The following DLGAP1 variants were observed in gnomAD, a reference collection of about 807,000 sequenced individuals.
DLGAP1 encodes DLG associated protein 1, also known as disks large-associated protein 1.
Under a neutral mutation model 90.8 loss-of-function variants are expected in DLGAP1, and 11 were observed. That is an observed-to-expected ratio of 0.12 (90% confidence interval 0.08 to 0.20). DLGAP1 has a LOEUF of 0.20. Ranked by LOEUF, DLGAP1 falls within the 10% of genes least tolerant of loss-of-function variation. DLGAP1 has a pLI of 1.00. For missense variants in DLGAP1, 1,050 were observed against 1,333.8 expected, an observed-to-expected ratio of 0.79 and a Z score of 3.31; for synonymous variants, 558 against 540.7, an observed-to-expected ratio of 1.03 and a Z score of -0.44.
intron 3 of DLGAP1, among the ~76,000 whole-genome samples, chr18:3,880,944 G>GAAAAAAA (rs1173817359): frequency 1.2e-3 from 47 of 38,104 alleles, no homozygotes; most frequent in Middle Eastern, 0.021. Flanking sequence ...CTCCATCTCA[G>GAAAAAAA]AAAAAAAAAA....
At chr18:3,910,156 G>A (rs1055177882) in intron 3 of DLGAP1, among the ~76,000 whole-genome samples, 1 of 150,094 alleles carries the variant, frequency 6.7e-6, no homozygotes, top group African/African-American at 2.5e-5. Context: ...TAATATTAAG[G>A]AATAATGAAA....
chr18:4,303,727 A>G (rs1426522538), intron 1 of DLGAP1, among the ~76,000 whole-genome samples: 1 of 152,236 alleles, frequency 6.6e-6, no homozygotes, highest in African/African-American at 2.4e-5. Flanking sequence ...ATGAACTTCA[A>G]TTATGCAAAG....
rs1008331010 is a variant in DLGAP1, at chr18:3,498,134, T to C, written c.*1051A>G. 4 of 152,242 alleles carry C rather than the reference T, an allele frequency of 2.6e-5. No individual in the cohort carries two copies. Among genetic ancestry groups the C allele is most frequent in the African/African-American group, 9.6e-5 (4 of 41,460 alleles). 9.4% of individuals were successfully genotyped at this position (152,242 alleles called of 1,614,324 possible). A position where few individuals can be genotyped will look rare whatever the true frequency, so the allele number is the denominator to read the frequency against. ...AGGGATGGTAGGAAAACCCAAACTC[T>C]TCTCCAAAAACAGCCTTGCTGCCAT... On this transcript the variant is annotated 3_prime_UTR_variant, in exon 13 of 13. Coordinates refer to ENST00000315677, the MANE Select transcript of DLGAP1 (RefSeq NM_004746.4).
At chr18:3,587,109 C>T (rs1004663408) in intron 7 of DLGAP1, among the ~76,000 whole-genome samples, 4 of 152,224 alleles carry the variant, frequency 2.6e-5, no homozygotes, top group African/African-American at 9.7e-5. Flanking sequence ...CGCCCAGGTG[C>T]AATGGTGCAA....
intron 1 of DLGAP1, among the ~76,000 whole-genome samples, chr18:4,432,589 A>AGTGTGTGTGTGTGTGT (rs545618675): frequency 9.0e-6 from 1 of 111,394 alleles, no homozygotes; most frequent in African/African-American, 3.1e-5. Flanking sequence ...CACCTCACAT[A>AGTGTGTGTGTGTGTGT]GTGTGTGTGT....
intron 4 of DLGAP1, among the ~76,000 whole-genome samples, chr18:3,845,912 A>G (rs1352632592): frequency 2.6e-5 from 4 of 152,220 alleles, no homozygotes; most frequent in African/African-American, 4.8e-5. Flanking sequence ...ATTAAGTAAT[A>G]CTTCTCAACA....
chr18:3,862,292 T>C (rs1021895989), intron 4 of DLGAP1, among the ~76,000 whole-genome samples: 8 of 152,354 alleles, frequency 5.3e-5, no homozygotes, highest in Non-Finnish European at 5.9e-5. Context: ...CATTGCCAAC[T>C]GCCATATCCA....
intron 1 of DLGAP1, chr18:4,248,494 T>C (rs1431812023): frequency 3.3e-5 from 5 of 152,216 alleles, no homozygotes; most frequent in Non-Finnish European, 5.9e-5. Context: ...GTTTTAACAT[T>C]TTCTTATAGA....
intron 7 of DLGAP1, among the ~76,000 whole-genome samples, chr18:3,626,297 G>GAAA (rs61225561): frequency 7.8e-6 from 1 of 127,784 alleles, no homozygotes; most frequent in Non-Finnish European, 1.7e-5. Context: ...TCTCAAAAAA[G>GAAA]AAAAAAAAAA....
At chr18:4,218,007 T>C (rs2077993166) in intron 1 of DLGAP1, among the ~76,000 whole-genome samples, 1 of 149,820 alleles carries the variant, frequency 6.7e-6, no homozygotes, top group Non-Finnish European at 1.5e-5. Context: ...ATGTACGTTT[T>C]TCCCTCTTAT....
chr18:4,445,307 T>TA (rs879825235), intron 1 of DLGAP1, among the ~76,000 whole-genome samples: 279 of 151,772 alleles, frequency 1.8e-3, no homozygotes, highest in Non-Finnish European at 2.9e-3. Context: ...TCTTTTTTTT[T>TA]TTATTATACT....
intron 7 of DLGAP1, among the ~76,000 whole-genome samples, chr18:3,628,558 G>C (rs1012209734): frequency 6.6e-6 from 1 of 152,062 alleles, no homozygotes; most frequent in African/African-American, 2.4e-5. Context: ...GAATGCCTCC[G>C]AGCCTGCAGT....
At chr18:3,765,159 G>T (rs151175635) in intron 5 of DLGAP1, among the ~76,000 whole-genome samples, 1 of 121,572 alleles carries the variant, frequency 8.2e-6, no homozygotes, top group African/African-American at 3.3e-5. Flanking sequence ...ACAGAGTCTC[G>T]CTCTGTTGCC....
At chr18:3,631,538 C>T (rs543668754) in intron 7 of DLGAP1, among the ~76,000 whole-genome samples, 2 of 151,946 alleles carry the variant, frequency 1.3e-5, no homozygotes, top group African/African-American at 2.4e-5. Flanking sequence ...ACTTGAGCTC[C>T]GAGTTCAAGA....
intron 4 of DLGAP1, among the ~76,000 whole-genome samples, chr18:3,828,946 A>G (rs1015183137): frequency 6.6e-6 from 1 of 152,230 alleles, no homozygotes; most frequent in Non-Finnish European, 1.5e-5. Context: ...AGCCAGGTAC[A>G]TGGTAAAGTC....
In DLGAP1 at chr18:3,562,693, C is replaced by T. The variant is rs935631701; in HGVS notation, c.2057+4797G>A. 1.2e-4 allele frequency among the ~76,000 whole-genome samples: 18 copies of T among 148,162 alleles called. No homozygotes were observed. The Admixed American group carries it at 1.2e-3, about 10-fold the overall frequency. ...CCAAGTAGCTGGGATTACAGACACG[C>T]GCCACCACGCCTGGTTAATTTTTTT... is the stretch of plus-strand genomic sequence containing the variant. On this transcript the variant is annotated intron_variant, in intron 9 of 12. Transcript: ENST00000315677.
In DLGAP1 at chr18:3,645,611, C is replaced by A. The variant is rs565766919; in HGVS notation, c.1592-63363G>T. Among the ~76,000 whole-genome samples, 23 of 152,288 alleles carry A rather than the reference C, an allele frequency of 1.5e-4. No homozygotes were observed. In the South Asian group the frequency reaches 4.8e-3, roughly 32 times the overall value. ...CTCTGCATAGCTTGCAAAACCTAGA[C>A]ATGTGCACTGGGGCATCCTTCTGAT... On this transcript the variant is annotated intron_variant, in intron 7 of 12. Transcript: ENST00000315677.
intron 5 of DLGAP1, among the ~76,000 whole-genome samples, chr18:3,755,268 G>C (rs1429945556): frequency 6.6e-6 from 1 of 151,934 alleles, no homozygotes; most frequent in Non-Finnish European, 1.5e-5. Flanking sequence ...ATAGCAAAAT[G>C]GCAAATCTAA....
At chr18:4,053,479 A>T (rs909418320) in intron 2 of DLGAP1, among the ~76,000 whole-genome samples, 1 of 152,220 alleles carries the variant, frequency 6.6e-6, no homozygotes, top group African/African-American at 2.4e-5. Flanking sequence ...GGGAACTGCA[A>T]TTCAAGAGAA....
Sources: allele counts gnomAD v4.1 joint callset (sites outside exome capture counted in the v4.1 genomes callset), GRCh38; gene constraint gnomAD v4.1.1; transcripts MANE v1.5; gene names NCBI Gene and HGNC (gene_info 2026-07-23, HGNC 2026-07-21).